TOX3: variants seen among roughly 807,000 people sequenced by gnomAD.
TOX3 encodes the protein TOX high mobility group box family member 3.
A neutral mutation model predicts 64.3 loss-of-function variants in TOX3; 22 were observed. That is an observed-to-expected ratio of 0.34 (90% CI 0.24 to 0.49). The LOEUF (loss-of-function observed/expected upper bound fraction) is 0.49, where lower values mean the gene tolerates loss of function less well. Among genes scored for constraint, TOX3 ranks in the 20% least tolerant of loss-of-function variants. The pLI is 0.99. For synonymous variants in TOX3, 291 were observed against 273.6 expected (o/e 1.06, Z -0.63); for missense variants, 661 against 714.4 (o/e 0.93, Z 0.85).
In TOX3 at chr16:52,438,425, T is replaced by G. The variant is rs1187098885; in HGVS notation, c.*800A>C. ...ATCTTAACTTTTGTAATAACTGTTTTCATTTAAGTGCATTTCCCTTTTAAA... is the reference window on the plus strand; with the variant it reads ...ATCTTAACTTTTGTAATAACTGTTTGCATTTAAGTGCATTTCCCTTTTAAA... On this transcript the variant is annotated 3_prime_UTR_variant, in exon 7 of 7. Coordinates refer to ENST00000219746, the MANE Select transcript of TOX3 (RefSeq NM_001080430.4). 6.5e-6 allele frequency: 1 copy of G among 152,716 alleles called. No individual in the cohort carries two copies. Among genetic ancestry groups the G allele is most frequent in the Non-Finnish European group, 1.5e-5 (1 of 68,076 alleles). The allele number at this position is 152,716 out of a possible 1,614,324, so 9.5% of individuals were successfully genotyped here.
chr16:52,529,581 A>T (rs1292528285), intron 1 of TOX3, among the ~76,000 whole-genome samples: 3 of 152,218 alleles, frequency 2.0e-5, no homozygotes, highest in Non-Finnish European at 4.4e-5. Flanking sequence ...GAAAATAATA[A>T]AGCCTAGATG....
chr16:52,437,849 G>T lies in TOX3; in HGVS notation c.*1376C>A, dbSNP rs939051490. 1.4e-5 allele frequency among the ~76,000 whole-genome samples: 2 copies of T among 144,448 alleles called. No individual in the cohort carries two copies. The highest frequency in any genetic ancestry group is 5.1e-5 in the African/African-American group (2 of 39,556). The allele number at this position is 144,448 out of a possible 152,430, so 94.8% of individuals were successfully genotyped here. A position where few individuals can be genotyped will look rare whatever the true frequency, so the allele number is the denominator to read the frequency against. On this transcript the variant is annotated 3_prime_UTR_variant, in exon 7 of 7. Coordinates refer to ENST00000219746, the MANE Select transcript of TOX3 (RefSeq NM_001080430.4). ...CAAATATTTCCAATGCGTTGTTTTG[G>T]TTTTTTCAAGGATCTTCATTTCAGG...
At chr16:52,474,532 G>A (rs1388845152) in intron 1 of TOX3, among the ~76,000 whole-genome samples, 4 of 151,976 alleles carry the variant, frequency 2.6e-5, no homozygotes, top group Admixed American at 6.6e-5. Context: ...TGGGAGGATT[G>A]CTTGAGCCCA....
At chr16:52,503,834 T>C (rs1962075368) in intron 1 of TOX3, among the ~76,000 whole-genome samples, 1 of 152,022 alleles carries the variant, frequency 6.6e-6, no homozygotes, top group Non-Finnish European at 1.5e-5. Context: ...AAAATAATAC[T>C]TCCAAGAATA....
At chr16:52,517,539 G>C (rs1161199234) in intron 1 of TOX3, among the ~76,000 whole-genome samples, 1 of 152,046 alleles carries the variant, frequency 6.6e-6, no homozygotes, top group Non-Finnish European at 1.5e-5. Context: ...CACTAATGAT[G>C]ATTATAACAT....
At chr16:52,509,228 T>A (rs1962238653) in intron 1 of TOX3, among the ~76,000 whole-genome samples, 1 of 152,148 alleles carries the variant, frequency 6.6e-6, no homozygotes, top group African/African-American at 2.4e-5. Flanking sequence ...ATCTAAAAGA[T>A]TTTTTTCCAA....
chr16:52,520,266 A>G (rs907593247), intron 1 of TOX3, among the ~76,000 whole-genome samples: 2 of 152,250 alleles, frequency 1.3e-5, no homozygotes, highest in African/African-American at 4.8e-5. Flanking sequence ...TTATTATGCT[A>G]TAATTTTTCT....
rs67145443 is a variant in TOX3, at chr16:52,437,789, T to TAAAA, written c.*1432_*1435dup. On this transcript the variant is annotated 3_prime_UTR_variant, in exon 7 of 7. Coordinates refer to ENST00000219746, the MANE Select transcript of TOX3 (RefSeq NM_001080430.4). ...CTATACTTACCTTGTACTTGCATCTTAAAAAAAAAAAAAAAAAAAAAAAAG... is the reference window on the plus strand; with the variant it reads ...CTATACTTACCTTGTACTTGCATCTTAAAAAAAAAAAAAAAAAAAAAAAAAAAAG... Among the ~76,000 whole-genome samples, 2 of 111,344 alleles carry TAAAA rather than the reference T, an allele frequency of 1.8e-5. No homozygotes were observed. Among genetic ancestry groups the TAAAA allele is most frequent in the Non-Finnish European group, 1.8e-5 (1 of 54,770 alleles). 73.0% of individuals were successfully genotyped at this position (111,344 alleles called of 152,430 possible). A position where few individuals can be genotyped will look rare whatever the true frequency, so the allele number is the denominator to read the frequency against.
At chr16:52,465,889 A>G (rs976482871) in intron 2 of TOX3, among the ~76,000 whole-genome samples, 3 of 152,198 alleles carry the variant, frequency 2.0e-5, no homozygotes, top group Non-Finnish European at 4.4e-5. Context: ...AGAATAATAC[A>G]TTTGAATGCT....
At chr16:52,507,704 T>C (rs1174731131) in intron 1 of TOX3, among the ~76,000 whole-genome samples, 1 of 152,216 alleles carries the variant, frequency 6.6e-6, no homozygotes. Context: ...AGGAATACCA[T>C]GAATAATCCA....
At chr16:52,453,309 G>T (rs575038795) in intron 3 of TOX3, among the ~76,000 whole-genome samples, 3 of 151,470 alleles carry the variant, frequency 2.0e-5, no homozygotes, top group Non-Finnish European at 4.4e-5. Context: ...TTAGCCTCCT[G>T]AGTAGCTGAA....
chr16:52,469,257 G>C (rs891910612), intron 1 of TOX3, among the ~76,000 whole-genome samples: 4 of 152,136 alleles, frequency 2.6e-5, no homozygotes, highest in Non-Finnish European at 1.5e-5. Flanking sequence ...CTAACACAAT[G>C]GGCCATTCAT....
At chr16:52,457,938 A>G (rs1960569417) in intron 3 of TOX3, among the ~76,000 whole-genome samples, 1 of 152,210 alleles carries the variant, frequency 6.6e-6, no homozygotes. Flanking sequence ...GTTAATTAAT[A>G]GTTTCTTGGC....
chr16:52,459,036 A>G (rs1960610602), intron 3 of TOX3, among the ~76,000 whole-genome samples: 4 of 152,204 alleles, frequency 2.6e-5, no homozygotes, highest in Admixed American at 2.0e-4. Context: ...AAAACAGGCC[A>G]GGTGCAGTGG....
At position 52,450,808 on chromosome 16, in the gene TOX3, G is replaced by A. The variant is rs1272168110; in HGVS notation, c.409-262C>T. On this transcript the variant is annotated intron_variant, in intron 3 of 6. Transcript: ENST00000219746. ...AGTGGATGTGGAAGGAAGGAAGGAA[G>A]GAAGGAAGGAAGGAAGGAAGGAAGG... 6.7e-5 allele frequency among the ~76,000 whole-genome samples: 3 copies of A among 44,610 alleles called. No individual in the cohort carries two copies. The East Asian group carries it at 9.0e-4, about 13-fold the overall frequency. 29.3% of individuals were successfully genotyped at this position (44,610 alleles called of 152,430 possible).
At chr16:52,519,343 A>G (rs1962537096) in intron 1 of TOX3, 1 of 1,474,712 alleles carries the variant, frequency 6.8e-7, no homozygotes, top group African/African-American at 1.4e-5. Flanking sequence ...AAACTGATAA[A>G]AGACACTATC....
chr16:52,528,368 A>G (rs1962771918), intron 1 of TOX3, among the ~76,000 whole-genome samples: 1 of 151,940 alleles, frequency 6.6e-6, no homozygotes, highest in Admixed American at 6.6e-5. Context: ...GTGGGTTTAT[A>G]ACCCCCTAGG....
intron 3 of TOX3, among the ~76,000 whole-genome samples, chr16:52,454,740 C>A (rs781539763): frequency 6.6e-6 from 1 of 152,042 alleles, no homozygotes; most frequent in Non-Finnish European, 1.5e-5. Flanking sequence ...ATGTATCAGG[C>A]CAGAGAAGGC....
intron 2 of TOX3, among the ~76,000 whole-genome samples, chr16:52,466,736 A>G (rs984589655): frequency 6.6e-6 from 1 of 152,196 alleles, no homozygotes; most frequent in African/African-American, 2.4e-5. Flanking sequence ...ATTTCAATTA[A>G]GCATATTACA....
Sources: gnomAD v4.1 joint callset for allele counts (sites outside exome capture counted in the v4.1 genomes callset) on GRCh38, gnomAD v4.1.1 for gene constraint, MANE v1.5 for transcripts, NCBI Gene and HGNC (gene_info 2026-07-23, HGNC 2026-07-21) for gene names.